TRMT9B: variants seen among roughly 807,000 people sequenced by gnomAD.
TRMT9B encodes the protein probable tRNA methyltransferase 9B.
A neutral mutation model predicts 11.5 loss-of-function variants in TRMT9B; 16 were observed. That is an observed-to-expected ratio of 1.39 (90% CI 0.94 to 2.11). The LOEUF is 2.11. Ranked by LOEUF, TRMT9B falls within the 30% of genes most tolerant of loss-of-function variation. The probability of loss-of-function intolerance (pLI) is 0.00; values close to 1 mark genes in which losing one functional copy is unlikely to be tolerated. For missense variants in TRMT9B, 941 were observed against 553.8 expected (o/e 1.70, Z -7.02); for synonymous variants, 274 against 192.4 (o/e 1.42, Z -3.51).
At chr8:13,008,949 C>T (rs1811034066) in intron 3 of TRMT9B, among the ~76,000 whole-genome samples, 1 of 151,788 alleles carries the variant, frequency 6.6e-6, no homozygotes, top group African/African-American at 2.4e-5. Flanking sequence ...AGGATGGTGT[C>T]GATCTCCTGA....
At chr8:12,953,400 G>T (rs1254557170) in intron 1 of TRMT9B, among the ~76,000 whole-genome samples, 6 of 151,940 alleles carry the variant, frequency 3.9e-5, no homozygotes, top group Non-Finnish European at 8.8e-5. Context: ...CCTAGGCTGG[G>T]GTGCAGTGGT....
At chr8:12,961,340 T>G (rs1802074252) in intron 1 of TRMT9B, among the ~76,000 whole-genome samples, 1 of 152,144 alleles carries the variant, frequency 6.6e-6, no homozygotes, top group Admixed American at 6.5e-5. Context: ...ATATTTTAAT[T>G]TAAAAAAATC....
chr8:12,971,340 A>T (rs1763545603), intron 1 of TRMT9B, among the ~76,000 whole-genome samples: 1 of 152,150 alleles, frequency 6.6e-6, no homozygotes, highest in African/African-American at 2.4e-5. Context: ...ATTTTGCTCA[A>T]GGTGACTTTG....
chr8:12,987,503 G>T (rs529541212), intron 1 of TRMT9B, among the ~76,000 whole-genome samples: 90 of 152,172 alleles, frequency 5.9e-4, no homozygotes, highest in Middle Eastern at 3.4e-3. Context: ...CCAGCCTGGG[G>T]AACGTAGGGA....
At chr8:12,970,293 A>G (rs1197504295) in intron 1 of TRMT9B, 1 of 152,196 alleles carries the variant, frequency 6.6e-6, no homozygotes. Flanking sequence ...CCTGTTTTTT[A>G]TGTAAGCCTA....
chr8:13,004,302 G>A (rs371960374), intron 2 of TRMT9B, among the ~76,000 whole-genome samples: 3 of 152,056 alleles, frequency 2.0e-5, no homozygotes, highest in East Asian at 2.0e-4. Context: ...ACCAGGTGGG[G>A]AGGAGGGAAC....
chr8:12,969,040 C>T (rs929427635), intron 1 of TRMT9B, among the ~76,000 whole-genome samples: 1 of 152,216 alleles, frequency 6.6e-6, no homozygotes, highest in South Asian at 2.1e-4. Flanking sequence ...GGTGAAACCC[C>T]ATCTCTACTA....
At chr8:12,953,423 C>T (rs1166692351) in intron 1 of TRMT9B, among the ~76,000 whole-genome samples, 1 of 152,090 alleles carries the variant, frequency 6.6e-6, no homozygotes, top group African/African-American at 2.4e-5. Flanking sequence ...GATCTTGGCT[C>T]AATACAACTT....
chr8:12,996,186 T>G (rs1563386513), intron 2 of TRMT9B, among the ~76,000 whole-genome samples: 1 of 152,212 alleles, frequency 6.6e-6, no homozygotes, highest in Non-Finnish European at 1.5e-5. Flanking sequence ...ACTTGGAAGC[T>G]GTGGCTGGCA....
At position 13,025,305 on chromosome 8, in the gene TRMT9B, G is replaced by T. The variant is rs957554363; in HGVS notation, c.*3261G>T. On this transcript the variant is annotated 3_prime_UTR_variant, in exon 5 of 5. Transcript: ENST00000524591. ...AAGCTGAGGTGGGTGGATCAGCTGA[G>T]GTCAGGAGTTTGAGACCAGCCTGAC... is the stretch of plus-strand genomic sequence containing the variant. 1 of 166,524 alleles carries T rather than the reference G, an allele frequency of 6.0e-6. No individual in the cohort carries two copies. Among genetic ancestry groups the T allele is most frequent in the Admixed American group, 6.5e-5 (1 of 15,286 alleles). The allele number at this position is 166,524 out of a possible 1,614,324, so 10.3% of individuals were successfully genotyped here.
At chr8:13,016,598 C>A (rs1029784514) in intron 4 of TRMT9B, among the ~76,000 whole-genome samples, 1 of 151,444 alleles carries the variant, frequency 6.6e-6, no homozygotes, top group Non-Finnish European at 1.5e-5. Context: ...CTGGTTATGC[C>A]TTCATTTTAT....
Position 13,021,392 on chromosome 8 carries a change from G to T in TRMT9B, c.713G>T (p.Gly238Val). 6.2e-7 allele frequency: 1 copy of T among 1,614,054 alleles called. No individual in the cohort carries two copies. Among genetic ancestry groups the T allele is most frequent in the Non-Finnish European group, 8.5e-7 (1 of 1,179,902 alleles). The part of the protein sequence containing the change: ...NISKEGEEEY[G>V]FYSTLGKSFR... ...TCTAAGGAAGGCGAGGAAGAATATG[G>T]ATTTTACAGCACATTAGGAAAATCG... is the stretch of plus-strand genomic sequence containing the variant. Residue 238 changes from glycine (G) to valine (V), a missense_variant, in exon 5 of 5, where the codon GGA becomes GTA. Gly to Val is a moderately radical substitution (Grantham distance 109). Transcript: ENST00000524591.
chr8:13,028,302 T>C lies in TRMT9B; in HGVS notation c.*6258T>C, dbSNP rs1373452081. Reference sequence around the variant, plus strand: ...CATTTGTAAGAGCTGTTTGTCAAATTGGATCTTCATTTGACAAATAAATAC... The same window carrying C: ...CATTTGTAAGAGCTGTTTGTCAAATCGGATCTTCATTTGACAAATAAATAC... On this transcript the variant is annotated 3_prime_UTR_variant, in exon 5 of 5. Transcript: ENST00000524591. The C allele has an allele frequency of 3.6e-5, 6 of 167,064 alleles. No homozygotes were observed. The highest frequency in any genetic ancestry group is 7.3e-5 in the Non-Finnish European group (5 of 68,124). 10.3% of individuals were successfully genotyped at this position (167,064 alleles called of 1,614,324 possible). A position where few individuals can be genotyped will look rare whatever the true frequency, so the allele number is the denominator to read the frequency against.
intron 4 of TRMT9B, among the ~76,000 whole-genome samples, chr8:13,013,286 C>T (rs1811996309): frequency 6.6e-6 from 1 of 152,188 alleles, no homozygotes; most frequent in South Asian, 2.1e-4. Context: ...AACCAAATGT[C>T]ACCTGGACCA....
chr8:13,001,072 C>T (rs1809343114), intron 2 of TRMT9B, among the ~76,000 whole-genome samples: 1 of 152,110 alleles, frequency 6.6e-6, no homozygotes, highest in Admixed American at 6.5e-5. Flanking sequence ...TGTTATGAAG[C>T]ATCACGGATT....
In TRMT9B at chr8:13,021,984, T is replaced by C. The variant is rs542580442; in HGVS notation, c.1305T>C (p.Ser435=). Residue 435 remains serine, a synonymous_variant, in exon 5 of 5, where the codon AGT becomes AGC. Transcript: ENST00000524591. ...KENVSELRIL[S]SGNDHGNWCI... The stretch of plus-strand genomic sequence containing the variant: ...ATGTGTCAGAGCTCCGTATCCTGAG[T>C]TCTGGGAATGATCATGGTAACTGGT... 18 of 1,612,668 alleles carry C rather than the reference T, an allele frequency of 1.1e-5. No individual in the cohort carries two copies. The highest frequency in any genetic ancestry group is 1.4e-5 in the Non-Finnish European group (17 of 1,179,482).
rs1814342718 is a variant in TRMT9B at position 13,023,974 on chromosome 8, G to A, written c.*1930G>A. ...TGTACTGTTCAGTGTACATCCTGCAGTAGTGGATGATTGAAAACATATATA... is the reference window on the plus strand; with the variant it reads ...TGTACTGTTCAGTGTACATCCTGCAATAGTGGATGATTGAAAACATATATA... On this transcript the variant is annotated 3_prime_UTR_variant, in exon 5 of 5. Coordinates refer to ENST00000524591, the MANE Select transcript of TRMT9B (RefSeq NM_020844.3). 6.0e-6 allele frequency: 1 copy of A among 165,492 alleles called. No homozygotes were observed. The highest frequency in any genetic ancestry group is 2.4e-5 in the African/African-American group (1 of 41,196). 10.3% of individuals were successfully genotyped at this position (165,492 alleles called of 1,614,324 possible). A position where few individuals can be genotyped will look rare whatever the true frequency, so the allele number is the denominator to read the frequency against.
At position 12,954,437 on chromosome 8, in the gene TRMT9B, C is replaced by A. The variant is rs7827928; in HGVS notation, c.-200+8471C>A. On this transcript the variant is annotated intron_variant, in intron 1 of 4. Transcript: ENST00000524591. ...CTATACAGGCTCATAATATTGAGAG[C>A]AAAATGCAATTAAATGCCTGTTTAC... 3.7e-3 allele frequency among the ~76,000 whole-genome samples: 507 copies of A among 136,774 alleles called. 4 individuals carry two copies. The highest frequency in any genetic ancestry group is 0.016 in the African/African-American group (482 of 29,670). The allele number at this position is 136,774 out of a possible 152,430, so 89.7% of individuals were successfully genotyped here.
chr8:12,964,146 T>A (rs1003014304), intron 1 of TRMT9B, among the ~76,000 whole-genome samples: 1 of 152,236 alleles, frequency 6.6e-6, no homozygotes, highest in East Asian at 1.9e-4. Flanking sequence ...TCAAAAAGAC[T>A]CGTGTCATTA....
Sources: allele counts gnomAD v4.1 joint callset (sites outside exome capture counted in the v4.1 genomes callset), GRCh38; gene constraint gnomAD v4.1.1; transcripts MANE v1.5; gene names NCBI Gene and HGNC (gene_info 2026-07-23, HGNC 2026-07-21).